DLG2: variants seen among roughly 807,000 people sequenced by gnomAD.
The protein encoded by DLG2 is disks large homolog 2.
A neutral mutation model predicts 132.5 loss-of-function variants in DLG2; 45 were observed. The ratio of observed to expected loss-of-function variants is 0.34; its 90% CI spans 0.27 to 0.44. The LOEUF (loss-of-function observed/expected upper bound fraction) is 0.44, where lower values mean the gene tolerates loss of function less well. Ranked by LOEUF, DLG2 falls within the 20% of genes least tolerant of loss-of-function variation. The pLI is 1.00. For synonymous variants in DLG2, 424 were observed against 419.6 expected (o/e 1.01, Z -0.13); for missense variants, 1,045 against 1,196.9 (o/e 0.87, Z 1.87).
chr11:84,928,544 G>C (rs2047673834), intron 6 of DLG2, among the ~76,000 whole-genome samples: 1 of 151,818 alleles, frequency 6.6e-6, no homozygotes, highest in African/African-American at 2.4e-5. Flanking sequence ...AAGGTAAAAA[G>C]GTGCTATCAT....
At chr11:84,946,605 T>A (rs1177184347) in intron 6 of DLG2, among the ~76,000 whole-genome samples, 1 of 151,924 alleles carries the variant, frequency 6.6e-6, no homozygotes, top group Non-Finnish European at 1.5e-5. Context: ...AAAGTCCTCT[T>A]TACTCTCCCT....
intron 6 of DLG2, among the ~76,000 whole-genome samples, chr11:84,712,766 G>T (rs1016460175): frequency 2.0e-5 from 3 of 152,096 alleles, no homozygotes; most frequent in African/African-American, 7.2e-5. Context: ...AGTCCTGAAA[G>T]GAGGGTGTTA....
chr11:84,586,168 G>GGT (rs144342159), intron 6 of DLG2, among the ~76,000 whole-genome samples: 18 of 149,328 alleles, frequency 1.2e-4, no homozygotes, highest in Middle Eastern at 6.8e-3. Flanking sequence ...AAAAAAAAGG[G>GGT]TTTGTAATTA....
intron 6 of DLG2, among the ~76,000 whole-genome samples, chr11:84,539,182 G>A (rs1407022992): frequency 6.6e-6 from 1 of 152,134 alleles, no homozygotes; most frequent in African/African-American, 2.4e-5. Context: ...CTTAGACTCA[G>A]ATAATTAGGT....
chr11:85,122,982 T>A (rs1431774318), intron 5 of DLG2, among the ~76,000 whole-genome samples: 57 of 31,894 alleles, frequency 1.8e-3, no homozygotes, highest in East Asian at 9.0e-3. Flanking sequence ...TTTTTTTTTT[T>A]TTTTTTTTTT....
intron 3 of DLG2, among the ~76,000 whole-genome samples, chr11:85,357,954 T>C (rs959593007): frequency 7.9e-5 from 12 of 151,560 alleles, no homozygotes; most frequent in African/African-American, 2.4e-4. Context: ...CTCCAAATTC[T>C]ACCTATGTTC....
intron 7 of DLG2, among the ~76,000 whole-genome samples, chr11:84,472,925 T>C (rs2099112235): frequency 1.3e-5 from 2 of 152,036 alleles, no homozygotes; most frequent in Admixed American, 1.3e-4. Flanking sequence ...TCACTAAACC[T>C]CATTCTTGCA....
At chr11:84,451,504 T>C (rs776357292) in intron 7 of DLG2, among the ~76,000 whole-genome samples, 8 of 151,866 alleles carry the variant, frequency 5.3e-5, no homozygotes, top group Non-Finnish European at 7.4e-5. Context: ...GTTCATGATA[T>C]GCTAAGTTTT....
At chr11:84,033,022 A>G (rs2095750599) in intron 11 of DLG2, among the ~76,000 whole-genome samples, 1 of 152,208 alleles carries the variant, frequency 6.6e-6, no homozygotes, top group Non-Finnish European at 1.5e-5. Context: ...CTCATTGTCG[A>G]TGCACCTAGT....
At chr11:84,681,676 T>C (rs1310200785) in intron 6 of DLG2, among the ~76,000 whole-genome samples, 1 of 152,174 alleles carries the variant, frequency 6.6e-6, no homozygotes, top group Non-Finnish European at 1.5e-5. Flanking sequence ...ACAATCCATC[T>C]GCAGTCAGTA....
intron 16 of DLG2, among the ~76,000 whole-genome samples, chr11:83,865,457 GA>G (rs58307015): frequency 7.7e-5 from 10 of 129,578 alleles, no homozygotes; most frequent in Admixed American, 3.9e-4. Flanking sequence ...GGTGAACAGC[GA>G]AAAAAAAAAG....
chr11:84,756,333 G>A (rs1171545438), intron 6 of DLG2, among the ~76,000 whole-genome samples: 2 of 152,186 alleles, frequency 1.3e-5, no homozygotes, highest in African/African-American at 4.8e-5. Flanking sequence ...GAGAGACCAG[G>A]CATGGTGGCT....
intron 6 of DLG2, among the ~76,000 whole-genome samples, chr11:84,796,821 T>A (rs958432813): frequency 4.7e-5 from 7 of 150,314 alleles, no homozygotes; most frequent in African/African-American, 1.7e-4. Context: ...TTTTTATGAT[T>A]TTTTATTTTT....
At chr11:83,665,518 C>T (rs1186840502) in intron 18 of DLG2, among the ~76,000 whole-genome samples, 1 of 152,226 alleles carries the variant, frequency 6.6e-6, no homozygotes, top group Non-Finnish European at 1.5e-5. Context: ...TGTACTCTCC[C>T]TCTGCAGGGA....
In DLG2 at chr11:85,000,796, T is replaced by A. The variant is rs565733747; in HGVS notation, c.357+110865A>T. Among the ~76,000 whole-genome samples the A allele has an allele frequency of 2.6e-5, 4 of 152,288 alleles. No individual in the cohort carries two copies. The South Asian group carries it at 8.3e-4, about 32-fold the overall frequency. On this transcript the variant is annotated intron_variant, in intron 6 of 27. Coordinates refer to ENST00000376104, the MANE Select transcript of DLG2 (RefSeq NM_001142699.3). ...AAGGGCATTGCTTCACCAATATGGC[T>A]CTGAGAAGGATTAAATATTTTGAAG...
At position 85,018,647 on chromosome 11, in the gene DLG2, T is replaced by C. The variant is rs975156563; in HGVS notation, c.357+93014A>G. 1.7e-4 allele frequency among the ~76,000 whole-genome samples: 26 copies of C among 152,230 alleles called. 4 individuals carry two copies. The highest frequency in any genetic ancestry group is 6.3e-4 in the African/African-American group (26 of 41,548). ...CTCTCTCATCCCACAAAATCTTAACTTTGGGAGGGACTTTAACATGAATAT... is the reference window on the plus strand; with the variant it reads ...CTCTCTCATCCCACAAAATCTTAACCTTGGGAGGGACTTTAACATGAATAT... On this transcript the variant is annotated intron_variant, in intron 6 of 27. Coordinates refer to ENST00000376104, the MANE Select transcript of DLG2 (RefSeq NM_001142699.3).
intron 3 of DLG2, among the ~76,000 whole-genome samples, chr11:85,492,962 G>C (rs1163660536): frequency 6.6e-6 from 1 of 151,954 alleles, no homozygotes; most frequent in Non-Finnish European, 1.5e-5. Flanking sequence ...TTTTGTTGGA[G>C]TGACTTTTGA....
intron 7 of DLG2, among the ~76,000 whole-genome samples, chr11:84,478,660 A>T (rs2099128375): frequency 6.6e-6 from 1 of 152,144 alleles, no homozygotes; most frequent in Admixed American, 6.6e-5. Flanking sequence ...CCTGTAGAGT[A>T]AATGATCTAC....
chr11:83,541,306 G>C (rs1259344424), intron 20 of DLG2, among the ~76,000 whole-genome samples: 2 of 151,958 alleles, frequency 1.3e-5, no homozygotes, highest in African/African-American at 4.8e-5. Context: ...CCTTCGACTT[G>C]GCCTTTCTAT....
Sources: gnomAD v4.1 joint callset for allele counts (sites outside exome capture counted in the v4.1 genomes callset) on GRCh38, gnomAD v4.1.1 for gene constraint, MANE v1.5 for transcripts, NCBI Gene and HGNC (gene_info 2026-07-23, HGNC 2026-07-21) for gene names.